Variants in FSAF1 observed in about 807,000 individuals in gnomAD.
FSAF1 encodes uncharacterized protein C1orf131.
the FSAF1 span, chr1:231,224,773 A>G: frequency 4.5e-6 from 1 of 221,440 alleles, no homozygotes; most frequent in Non-Finnish European, 8.9e-6. Context: ...AATACTTGCC[A>G]GTACCTGATA....
At chr1:231,236,160 A>G in the FSAF1 span, among the ~76,000 whole-genome samples, 2 of 152,254 alleles carry the variant, frequency 1.3e-5, no homozygotes, top group African/African-American at 4.8e-5. Context: ...AACTCAGCAC[A>G]GCTGGTGTAT....
At chr1:231,225,720 G>A in the FSAF1 span, 7 of 598,274 alleles carry the variant, frequency 1.2e-5, no homozygotes, top group East Asian at 2.0e-4. Flanking sequence ...CTGGCGTGGT[G>A]GCTCATGCCT....
chr1:231,232,624 A>C, the FSAF1 span, among the ~76,000 whole-genome samples: 1 of 152,202 alleles, frequency 6.6e-6, no homozygotes, highest in Non-Finnish European at 1.5e-5. Context: ...TATCGCAACT[A>C]ATCTAGCCTT....
the FSAF1 span, among the ~76,000 whole-genome samples, chr1:231,228,602 A>C: frequency 6.6e-6 from 1 of 151,530 alleles, no homozygotes; most frequent in Non-Finnish European, 1.5e-5. Flanking sequence ...CTGCCTCAAA[A>C]AAAAAAAAAA....
the FSAF1 span, chr1:231,237,550 G>A: frequency 6.6e-6 from 1 of 152,256 alleles, no homozygotes; most frequent in African/African-American, 2.4e-5. Flanking sequence ...TAAGACGGAG[G>A]CAGAGATTAT....
chr1:231,240,914 AT>A, the FSAF1 span: 1 of 942,110 alleles, frequency 1.1e-6, no homozygotes, highest in Non-Finnish European at 1.7e-6. This position sits in a 1 kb window ranked among gnomAD's most constrained non-coding sequence, Gnocchi z 4.1. Context: ...GGTGCTTGAC[AT>A]GCAAGAACCT....
chr1:231,225,562 G>A, the FSAF1 span: 1 of 1,553,652 alleles, frequency 6.4e-7, no homozygotes. Flanking sequence ...TATTAGTAGT[G>A]GATAATGGGA....
the FSAF1 span, chr1:231,229,127 TTTAACAATCTCAAAG>T: frequency 7.3e-7 from 1 of 1,374,356 alleles, no homozygotes; most frequent in Non-Finnish European, 1.0e-6. Context: ...TTATAAATAA[TTTAACAATCTCAAAG>T]TACATACTTT....
At chr1:231,229,270 G>T in the FSAF1 span, 1 of 1,163,584 alleles carries the variant, frequency 8.6e-7, no homozygotes, top group South Asian at 1.6e-5. Context: ...ATCTATCACC[G>T]AAAGAGTAGA....
chr1:231,232,079 G>A, the FSAF1 span, among the ~76,000 whole-genome samples: 2 of 152,170 alleles, frequency 1.3e-5, no homozygotes, highest in Non-Finnish European at 2.9e-5. Context: ...TTTCATAGCT[G>A]CTGAGTCCCT....
At chr1:231,225,004 T>A in the FSAF1 span, 2 of 170,768 alleles carry the variant, frequency 1.2e-5, no homozygotes, top group African/African-American at 4.8e-5. Context: ...GAAAACAGGC[T>A]AAGACAAAAA....
At chr1:231,227,529 C>T in the FSAF1 span, among the ~76,000 whole-genome samples, 3 of 152,002 alleles carry the variant, frequency 2.0e-5, no homozygotes, top group African/African-American at 7.3e-5. Context: ...CCCACCTCAG[C>T]CTCCCAAAGT....
the FSAF1 span, chr1:231,239,297 A>C: frequency 2.4e-6 from 2 of 850,028 alleles, no homozygotes; most frequent in African/African-American, 1.7e-5. Context: ...ATGCACCTAG[A>C]AGCACACACA....
the FSAF1 span, chr1:231,224,445 A>G: frequency 1.9e-6 from 3 of 1,582,352 alleles, no homozygotes; most frequent in Non-Finnish European, 2.6e-6. Context: ...AGGTACTATA[A>G]ATAGTCAAGC....
the FSAF1 span, chr1:231,225,804 C>A: frequency 2.3e-6 from 1 of 429,070 alleles, no homozygotes; most frequent in East Asian, 4.2e-5. Context: ...GCCTGGGCAA[C>A]ACAGCAAGAT....
the FSAF1 span, chr1:231,224,151 T>C: frequency 8.7e-7 from 1 of 1,153,670 alleles, no homozygotes. Context: ...CTGTTTGACT[T>C]TTTTTCTAAA....
the FSAF1 span, chr1:231,225,571 G>T: frequency 1.3e-6 from 2 of 1,536,326 alleles, no homozygotes; most frequent in Non-Finnish European, 1.8e-6. Flanking sequence ...TGGATAATGG[G>T]ATTCAAACAA....
chr1:231,232,306 G>A, the FSAF1 span, among the ~76,000 whole-genome samples: 2 of 152,134 alleles, frequency 1.3e-5, no homozygotes, highest in African/African-American at 4.8e-5. Context: ...ACGCTTCCCC[G>A]TCTACTTGAT....
At chr1:231,224,481 C>T in the FSAF1 span, 2 of 1,491,270 alleles carry the variant, frequency 1.3e-6, no homozygotes, top group Non-Finnish European at 1.8e-6. Context: ...ACAGTACCAC[C>T]AACCAGGCCA....
Sources: gnomAD v4.1 joint callset for allele counts (sites outside exome capture counted in the v4.1 genomes callset) on GRCh38, gnomAD v4.1.1 for gene constraint, Gnocchi (gnomAD v3.1) non-coding constraint, MANE v1.5 for transcripts, NCBI Gene and HGNC (gene_info 2026-07-23, HGNC 2026-07-21) for gene names.